The following EYS variants were observed in gnomAD, a reference collection of about 807,000 sequenced individuals.
EYS encodes the protein EGF-like photoreceptor maintenance factor.
EYS carries 250 observed loss-of-function variants against 282.1 expected under a neutral mutation model. That is an observed-to-expected ratio of 0.89 (90% CI 0.80 to 0.98). The LOEUF (loss-of-function observed/expected upper bound fraction) is 0.98, where lower values mean the gene tolerates loss of function less well. Ranked by LOEUF, EYS falls within the 50% of genes least tolerant of loss-of-function variation. The pLI, the probability that EYS is intolerant of heterozygous loss-of-function variation, is 0.00. For missense variants in EYS, 4,016 were observed against 3,709.0 expected (o/e 1.08, Z -2.15); for synonymous variants, 1,355 against 1,282.9 (o/e 1.06, Z -1.20).
chr6:64,942,121 T>C (rs1769109070), intron 15 of EYS, among the ~76,000 whole-genome samples: 1 of 152,106 alleles, frequency 6.6e-6, no homozygotes, highest in African/African-American at 2.4e-5. Flanking sequence ...TCAGCATCTG[T>C]TGGTTTTTTA....
At chr6:65,169,506 T>C (rs1459385325) in intron 12 of EYS, among the ~76,000 whole-genome samples, 1 of 151,506 alleles carries the variant, frequency 6.6e-6, no homozygotes, top group Non-Finnish European at 1.5e-5. Flanking sequence ...GTATAACCTC[T>C]AATTTCCTTG....
At chr6:64,149,527 T>A (rs1774631797) in intron 31 of EYS, among the ~76,000 whole-genome samples, 1 of 152,156 alleles carries the variant, frequency 6.6e-6, no homozygotes, top group African/African-American at 2.4e-5. Flanking sequence ...TCAGCAGAAT[T>A]TTCTGGGATA....
intron 26 of EYS, among the ~76,000 whole-genome samples, chr6:64,525,129 A>AGTAT (rs1463688169): frequency 1.3e-5 from 2 of 151,834 alleles, no homozygotes; most frequent in African/African-American, 4.8e-5. Context: ...TTCCTCAAAG[A>AGTAT]GCTAAAAGCA....
intron 30 of EYS, among the ~76,000 whole-genome samples, chr6:64,235,002 C>A (rs371632776): frequency 6.6e-6 from 1 of 151,900 alleles, no homozygotes; most frequent in Non-Finnish European, 1.5e-5. Flanking sequence ...CACAGCCTCC[C>A]GAGTAGCTGG....
At chr6:63,864,044 G>T in intron 36 of EYS, 142 bp downstream of exon 36, 1 of 750,358 alleles carries the variant, frequency 1.3e-6, no homozygotes, top group Non-Finnish European at 2.0e-6. Flanking sequence ...AATGGGTCTT[G>T]TCTCAACTAA....
chr6:63,836,559 A>G (rs999298008), intron 36 of EYS, among the ~76,000 whole-genome samples: 1 of 152,114 alleles, frequency 6.6e-6, no homozygotes, highest in African/African-American at 2.4e-5. Context: ...TCAGCGGTAG[A>G]AAAAGTCATT....
chr6:64,793,265 C>A (rs886281306), intron 22 of EYS, among the ~76,000 whole-genome samples: 1 of 152,004 alleles, frequency 6.6e-6, no homozygotes, highest in African/African-American at 2.4e-5. Flanking sequence ...CTAGTGTTAG[C>A]TATATTCCAC....
chr6:65,082,044 T>C (rs1204632728), intron 12 of EYS, among the ~76,000 whole-genome samples: 2 of 152,064 alleles, frequency 1.3e-5, no homozygotes, highest in Non-Finnish European at 2.9e-5. Flanking sequence ...AACTTTACAA[T>C]TACCCTGAGT....
chr6:64,981,836 GA>G (rs529439062), intron 14 of EYS, among the ~76,000 whole-genome samples: 14 of 151,492 alleles, frequency 9.2e-5, no homozygotes, highest in African/African-American at 3.4e-4. Flanking sequence ...AATGGAGGGA[GA>G]GGGGGTTGTA....
At chr6:64,658,943 C>T (rs1768875578) in intron 22 of EYS, among the ~76,000 whole-genome samples, 1 of 152,224 alleles carries the variant, frequency 6.6e-6, no homozygotes, top group Admixed American at 6.5e-5. Flanking sequence ...ACATTCTTCT[C>T]AGCACCACAC....
At chr6:64,946,354 A>C (rs1157935) in intron 14 of EYS, among the ~76,000 whole-genome samples, 3 of 152,038 alleles carry the variant, frequency 2.0e-5, no homozygotes, top group Non-Finnish European at 4.4e-5. Flanking sequence ...ACAGATAAAT[A>C]TTTAAAATAA....
intron 31 of EYS, among the ~76,000 whole-genome samples, chr6:64,152,229 G>C (rs962568080): frequency 2.0e-5 from 3 of 152,080 alleles, no homozygotes; most frequent in Non-Finnish European, 4.4e-5. Flanking sequence ...AATTAGTGCT[G>C]GACAAGTTGT....
At chr6:63,773,982 C>A (rs1369931529) in intron 40 of EYS, among the ~76,000 whole-genome samples, 3 of 152,078 alleles carry the variant, frequency 2.0e-5, no homozygotes, top group Non-Finnish European at 4.4e-5. Context: ...ATTAGGAAAT[C>A]CTGAATCAAT....
At chr6:64,893,873 A>C (rs1029116009) in intron 18 of EYS, among the ~76,000 whole-genome samples, 2 of 151,988 alleles carry the variant, frequency 1.3e-5, no homozygotes, top group African/African-American at 4.8e-5. Flanking sequence ...ATATGTACAC[A>C]TATTTACACA....
At chr6:65,069,446 A>C (rs1420722048) in intron 12 of EYS, among the ~76,000 whole-genome samples, 1 of 151,910 alleles carries the variant, frequency 6.6e-6, no homozygotes, top group Non-Finnish European at 1.5e-5. Flanking sequence ...TTGTTACAGG[A>C]CATCATTAAA....
chr6:65,226,006 C>T (rs946073395), intron 12 of EYS, among the ~76,000 whole-genome samples: 2 of 151,920 alleles, frequency 1.3e-5, no homozygotes, highest in Admixed American at 1.3e-4. Context: ...TTTACCACTA[C>T]ACTGGAAGTT....
chr6:63,888,297 A>G (rs1773317707), intron 35 of EYS, among the ~76,000 whole-genome samples: 2 of 152,248 alleles, frequency 1.3e-5, no homozygotes, highest in South Asian at 2.1e-4. Context: ...GCTAAGGGAC[A>G]GACTGCCTCC....
intron 24 of EYS, among the ~76,000 whole-genome samples, chr6:64,602,001 G>T (rs920661593): frequency 2.4e-4 from 37 of 151,894 alleles, no homozygotes; most frequent in African/African-American, 8.2e-4. Context: ...TATCACACGG[G>T]TTATAACTTA....
Position 65,405,330 on chromosome 6 carries a change from A to T in EYS, c.900T>A (p.Ser300=), listed in dbSNP as rs1259678863. ...AAATTCCTCTTTTCCAAAAAAGCAG[A>T]GAAACACAAGGTTTTGCTGACACCT... ...FCEVSAKPCV[S]LLFWKRGICP... Residue 300 remains serine (S), a synonymous_variant, in exon 6 of 43, where the codon TCT becomes TCA. Transcript: ENST00000503581. The T allele has an allele frequency of 6.2e-7, 1 of 1,613,200 alleles. No homozygotes were observed. Among genetic ancestry groups the T allele is most frequent in the Non-Finnish European group, 8.5e-7 (1 of 1,179,552 alleles).
Sources: allele counts gnomAD v4.1 joint callset (sites outside exome capture counted in the v4.1 genomes callset), GRCh38; gene constraint gnomAD v4.1.1; transcripts MANE v1.5; gene names NCBI Gene and HGNC (gene_info 2026-07-23, HGNC 2026-07-21).